The following FZD7 variants were observed in gnomAD, a reference collection of about 807,000 sequenced individuals.
FZD7 encodes the protein frizzled-7.
In FZD7, 21 loss-of-function variants were observed where a neutral mutation model predicts 39.0. The observed-to-expected ratio is 0.54, with a 90% CI of 0.38 to 0.78. FZD7 has a LOEUF of 0.78. FZD7 is among the 30% of genes least tolerant of loss of function. The pLI is 0.00. For synonymous variants in FZD7, 428 were observed against 364.9 expected (o/e 1.17, Z -1.97); for missense variants, 695 against 805.0 (o/e 0.86, Z 1.65).
At position 202,038,088 on chromosome 2, in the gene FZD7, G is replaced by A. The variant is rs767124781; in HGVS notation, c.*1716G>A. 2.4e-5 allele frequency: 4 copies of A among 167,090 alleles called. No homozygotes were observed. The highest frequency in any genetic ancestry group is 4.8e-5 in the African/African-American group (2 of 41,460). The allele number at this position is 167,090 out of a possible 1,614,324, so 10.4% of individuals were successfully genotyped here. On this transcript the variant is annotated 3_prime_UTR_variant, in exon 1 of 1. Transcript: ENST00000286201. ...TTAAATGCCAATCATAGAGGGTACT[G>A]TAAAGTGTACAAGTTACTTTATATA... is the stretch of plus-strand genomic sequence containing the variant.
chr2:202,035,267 C>T lies in FZD7; in HGVS notation c.620C>T (p.Pro207Leu). 2 of 1,604,352 alleles carry T rather than the reference C, an allele frequency of 1.2e-6. No homozygotes were observed. The highest frequency in any genetic ancestry group is 1.3e-5 in the African/African-American group (1 of 75,052). The change falls in exon 1 of 1, where the codon CCC becomes CTC. Residue 207 changes from proline to leucine, a missense_variant. Physicochemically the swap from Pro to Leu is moderately conservative, Grantham distance 98. Transcript: ENST00000286201. The part of the protein sequence containing the change: ...ASDGRGRPAF[P>L]FSCPRQLKVP... ...GATGGCAGGGGGCGTCCCGCCTTCC[C>T]CTTCTCATGCCCCCGTCAGCTCAAG...
In FZD7 at chr2:202,035,254, C is replaced by G. The variant is rs1188265651; in HGVS notation, c.607C>G (p.Arg203Gly). 4 of 1,601,482 alleles carry G rather than the reference C, an allele frequency of 2.5e-6. No homozygotes were observed. Among genetic ancestry groups the G allele is most frequent in the African/African-American group, 1.3e-5 (1 of 74,924 alleles). ...LPPGASDGRG[R>G]PAFPFSCPRQ... ...CCCGGGGGCCTCAGATGGCAGGGGG[C>G]GTCCCGCCTTCCCCTTCTCATGCCC... is the stretch of plus-strand genomic sequence containing the variant. Residue 203 changes from arginine to glycine, a missense_variant, in exon 1 of 1, where the codon CGT (arginine) becomes GGT (glycine). Arg to Gly is a moderately radical substitution (Grantham distance 125). Transcript: ENST00000286201.
rs1223864104 is a variant in FZD7 at position 202,036,330 on chromosome 2, C to T, written c.1683C>T (p.Tyr561=). 6.2e-7 allele frequency: 1 copy of T among 1,612,882 alleles called. No homozygotes were observed. The highest frequency in any genetic ancestry group is 2.2e-5 in the East Asian group (1 of 44,884). The change falls in exon 1 of 1, where the codon TAC becomes TAT. Residue 561 remains tyrosine (Y), a synonymous_variant. Coordinates refer to ENST00000286201, the MANE Select transcript of FZD7 (RefSeq NM_003507.2). ...CCCTGCAGTCGTGGCGCCGCTTCTA[C>T]CACAGACTTAGCCACAGCAGCAAGG... ...GKTLQSWRRF[Y]HRLSHSSKGE... is the part of the protein sequence containing the mutation.
rs909683952 is a variant in FZD7, at chr2:202,035,185, C to T, written c.538C>T (p.Pro180Ser). The T allele has an allele frequency of 8.8e-6, 14 of 1,599,942 alleles. No individual in the cohort carries two copies. Among genetic ancestry groups the T allele is most frequent in the Non-Finnish European group, 1.1e-5 (13 of 1,179,240 alleles). Residue 180 changes from proline to serine, a missense_variant, in exon 1 of 1, where the codon CCT becomes TCT. By Grantham distance (74) the Pro-to-Ser change is moderately conservative. Transcript: ENST00000286201. ...CCCAGGCGGCGGCCCCACTGCCTAC[C>T]CTACCGCGCCCTACCTGCCGGACCT... ...GGPGGGPTAY[P>S]TAPYLPDLPF...
chr2:202,036,639 A>G lies in FZD7; in HGVS notation c.*267A>G, dbSNP rs1461310256. 4.0e-6 allele frequency: 2 copies of G among 494,442 alleles called. No homozygotes were observed. The highest frequency in any genetic ancestry group is 7.5e-6 in the Non-Finnish European group (2 of 265,800). 30.6% of individuals were successfully genotyped at this position (494,442 alleles called of 1,614,324 possible). ...AACGGCGATGTGAATCGTCAAAGGT[A>G]CGGGCCAGCTTGTGCCTAATAGAAG... On this transcript the variant is annotated 3_prime_UTR_variant, in exon 1 of 1. Coordinates refer to ENST00000286201, the MANE Select transcript of FZD7 (RefSeq NM_003507.2).
At position 202,035,996 on chromosome 2, in the gene FZD7, T is replaced by A; in HGVS notation, c.1349T>A (p.Ile450Asn). 6.2e-7 allele frequency: 1 copy of A among 1,614,114 alleles called. No individual in the cohort carries two copies. Among genetic ancestry groups the A allele is most frequent in the Non-Finnish European group, 8.5e-7 (1 of 1,180,034 alleles). ...GCCGGCTTCGTGTCCCTCTTCCGTA[T>A]CCGCACCATCATGAAACACGACGGC... Reference protein sequence around the residue: ...LLAGFVSLFRIRTIMKHDGTK... With the variant: ...LLAGFVSLFRNRTIMKHDGTK... Residue 450 changes from isoleucine to asparagine, a missense_variant, in exon 1 of 1, where the codon ATC becomes AAC. By Grantham distance (149) the Ile-to-Asn change is moderately radical (BLOSUM62 -3). Transcript: ENST00000286201.
Position 202,035,624 on chromosome 2 carries a change from C to T in FZD7, c.977C>T (p.Thr326Met), listed in dbSNP as rs755903607. The change falls in exon 1 of 1, where the codon ACG (threonine) becomes ATG (methionine). Residue 326 changes from threonine to methionine, a missense_variant. Thr to Met is a moderately conservative substitution (Grantham distance 81). Transcript: ENST00000286201. ...CGCTTCTCGGACGATGGCTACCGCA[C>T]GGTGGCGCAGGGCACCAAGAAGGAG... The part of the protein sequence containing the change: ...VERFSDDGYR[T>M]VAQGTKKEGC... 17 of 1,614,078 alleles carry T rather than the reference C, an allele frequency of 1.1e-5. No individual in the cohort carries two copies. Among genetic ancestry groups the T allele is most frequent in the Non-Finnish European group, 1.4e-5 (16 of 1,180,042 alleles).
chr2:202,035,769 C>G lies in FZD7; in HGVS notation c.1122C>G (p.Ile374Met), dbSNP rs1688728070. The change falls in exon 1 of 1, where the codon ATC becomes ATG. Residue 374 changes from isoleucine (I) to methionine (M), a missense_variant. By Grantham distance (10) the Ile-to-Met change is conservative (BLOSUM62 1). Coordinates refer to ENST00000286201, the MANE Select transcript of FZD7 (RefSeq NM_003507.2). The stretch of plus-strand genomic sequence containing the variant: ...GCATGAAGTGGGGCCACGAGGCCAT[C>G]GAGGCCAACTCGCAGTACTTCCACC... ...AAGMKWGHEAIEANSQYFHLA... is the reference protein window; with the variant it reads ...AAGMKWGHEAMEANSQYFHLA... 1 of 1,613,976 alleles carries G rather than the reference C, an allele frequency of 6.2e-7. No homozygotes were observed. Among genetic ancestry groups the G allele is most frequent in the African/African-American group, 1.3e-5 (1 of 74,946 alleles).
Position 202,036,222 on chromosome 2 carries a change from C to G in FZD7, c.1575C>G (p.Pro525=), listed in dbSNP as rs1004437982. ...CPPGHFPPMS[P]DFTVFMIKYL... ...CCGGCCACTTCCCGCCCATGAGCCC[C>G]GACTTCACCGTCTTCATGATCAAGT... Residue 525 remains proline (P), a synonymous_variant, in exon 1 of 1, where the codon CCC becomes CCG. Coordinates refer to ENST00000286201, the MANE Select transcript of FZD7 (RefSeq NM_003507.2). 2 of 1,613,670 alleles carry G rather than the reference C, an allele frequency of 1.2e-6. No individual in the cohort carries two copies. The highest frequency in any genetic ancestry group is 1.7e-6 in the Non-Finnish European group (2 of 1,180,016).
In FZD7 at chr2:202,034,827, C is replaced by A. The variant is rs1432033079; in HGVS notation, c.180C>A (p.Ile60=). 1 of 1,613,952 alleles carries A rather than the reference C, an allele frequency of 6.2e-7. No individual in the cohort carries two copies. The highest frequency in any genetic ancestry group is 8.5e-7 in the Non-Finnish European group (1 of 1,180,026). Residue 60 remains isoleucine, a synonymous_variant, in exon 1 of 1, where the codon ATC becomes ATA. Coordinates refer to ENST00000286201, the MANE Select transcript of FZD7 (RefSeq NM_003507.2). ...TCTCCATCCCGCTGTGCACGGACAT[C>A]GCCTACAACCAGACCATCCTGCCCA... The part of the protein sequence containing the change: ...QPISIPLCTD[I]AYNQTILPNL...
chr2:202,036,568 T>C lies in FZD7; in HGVS notation c.*196T>C. 1.7e-6 allele frequency: 1 copy of C among 586,624 alleles called. No individual in the cohort carries two copies. The highest frequency in any genetic ancestry group is 3.1e-6 in the Non-Finnish European group (1 of 323,934). 36.3% of individuals were successfully genotyped at this position (586,624 alleles called of 1,614,324 possible). ...AAAAGAAGACCTGGGTGGAAAGCGG[T>C]TTGGATGAAAAGATTTCAGGCAAAG... On this transcript the variant is annotated 3_prime_UTR_variant, in exon 1 of 1. Transcript: ENST00000286201.
rs1688728152 is a variant in FZD7 at position 202,035,774 on chromosome 2, C to T, written c.1127C>T (p.Ala376Val). The change falls in exon 1 of 1, where the codon GCC becomes GTC. Residue 376 changes from alanine (A) to valine (V), a missense_variant. By Grantham distance (64) the Ala-to-Val change is moderately conservative (BLOSUM62 0). Transcript: ENST00000286201. ...AAGTGGGGCCACGAGGCCATCGAGG[C>T]CAACTCGCAGTACTTCCACCTGGCC... is the stretch of plus-strand genomic sequence containing the variant. ...GMKWGHEAIE[A>V]NSQYFHLAAW... The T allele has an allele frequency of 6.2e-7, 1 of 1,614,112 alleles. No homozygotes were observed. The highest frequency in any genetic ancestry group is 1.7e-5 in the Admixed American group (1 of 60,038).
chr2:202,034,200 G>A lies in FZD7; in HGVS notation c.-448G>A, dbSNP rs927250283. On this transcript the variant is annotated 5_prime_UTR_variant, in exon 1 of 1. Coordinates refer to ENST00000286201, the MANE Select transcript of FZD7 (RefSeq NM_003507.2). ...GCAGCACCGCGGAGGCGGCGGCCGG[G>A]GCGAGCGAGCGGCGGCGGCAGGGGT... Among the ~76,000 whole-genome samples, 6 of 151,098 alleles carry A rather than the reference G, an allele frequency of 4.0e-5. No homozygotes were observed. Among genetic ancestry groups the A allele is most frequent in the African/African-American group, 1.2e-4 (5 of 41,142 alleles).
rs1336955942 is a variant in FZD7, at chr2:202,033,939, G to GC, written c.-709_-708insC. On this transcript the variant is annotated 5_prime_UTR_variant, in exon 1 of 1. Coordinates refer to ENST00000286201, the MANE Select transcript of FZD7 (RefSeq NM_003507.2). ...CTCGCTGCTGGGGCTGCGAGGGGCT[G>GC]GAGGGGCCGGGGCCAGGCCGCGGGC... Among the ~76,000 whole-genome samples the GC allele has an allele frequency of 2.4e-4, 36 of 151,162 alleles. No homozygotes were observed. The highest frequency in any genetic ancestry group is 8.7e-4 in the African/African-American group (36 of 41,336).
At position 202,036,060 on chromosome 2, in the gene FZD7, C is replaced by T; in HGVS notation, c.1413C>T (p.Ile471=). The T allele has an allele frequency of 6.2e-7, 1 of 1,613,534 alleles. No individual in the cohort carries two copies. Among genetic ancestry groups the T allele is most frequent in the African/African-American group, 1.3e-5 (1 of 74,840 alleles). The change falls in exon 1 of 1, where the codon ATC becomes ATT. Residue 471 remains isoleucine (I), a synonymous_variant. Coordinates refer to ENST00000286201, the MANE Select transcript of FZD7 (RefSeq NM_003507.2). The part of the protein sequence containing the change: ...TEKLEKLMVR[I]GVFSVLYTVP... ...AGCTGGAGAAGCTCATGGTGCGCAT[C>T]GGCGTCTTCAGCGTGCTCTACACAG...
At position 202,035,276 on chromosome 2, in the gene FZD7, GC is replaced by G; in HGVS notation, c.634del (p.Arg212ValfsTer31). 1.2e-6 allele frequency: 2 copies of G among 1,605,554 alleles called. No homozygotes were observed. On this transcript the variant is annotated frameshift_variant, in exon 1 of 1. Coordinates refer to ENST00000286201, the MANE Select transcript of FZD7 (RefSeq NM_003507.2). LOFTEE classifies it high-confidence loss of function. ...GRGRPAFPFS[C>X]PRQLKVPPYL... ...GGGCGTCCCGCCTTCCCCTTCTCATGCCCCCGTCAGCTCAAGGTGCCCCCGT... is the reference window on the plus strand; with the variant it reads ...GGGCGTCCCGCCTTCCCCTTCTCATGCCCCGTCAGCTCAAGGTGCCCCCGT...
rs773224354 is a variant in FZD7, at chr2:202,035,814, C to T, written c.1167C>T (p.Pro389=). The change falls in exon 1 of 1, where the codon CCC becomes CCT. Residue 389 remains proline, a synonymous_variant. Coordinates refer to ENST00000286201, the MANE Select transcript of FZD7 (RefSeq NM_003507.2). The part of the protein sequence containing the change: ...QYFHLAAWAV[P]AVKTITILAM... ...TCCACCTGGCCGCGTGGGCCGTGCC[C>T]GCCGTCAAGACCATCACTATCCTGG... The T allele has an allele frequency of 3.1e-6, 5 of 1,614,008 alleles. No homozygotes were observed. Among genetic ancestry groups the T allele is most frequent in the Non-Finnish European group, 4.2e-6 (5 of 1,180,026 alleles).
In FZD7 at chr2:202,034,365, C is replaced by A. The variant is rs1176133262; in HGVS notation, c.-283C>A. Among the ~76,000 whole-genome samples the A allele has an allele frequency of 6.6e-6, 1 of 151,740 alleles. No individual in the cohort carries two copies. The highest frequency in any genetic ancestry group is 1.9e-4 in the East Asian group (1 of 5,156). On this transcript the variant is annotated 5_prime_UTR_variant, in exon 1 of 1. Coordinates refer to ENST00000286201, the MANE Select transcript of FZD7 (RefSeq NM_003507.2). ...CGGAGGGAGCCGCACCGTTACGTCCCCGCGGGGAGAGCGAGGCGGCCCTCC... is the reference window on the plus strand; with the variant it reads ...CGGAGGGAGCCGCACCGTTACGTCCACGCGGGGAGAGCGAGGCGGCCCTCC...
chr2:202,036,768 T>C lies in FZD7; in HGVS notation c.*396T>C. ...AGGGCGAGTGGCCTGTCCAGACCCC[T>C]GTGAGGCCCCGGGAAAGGTACAGCC... On this transcript the variant is annotated 3_prime_UTR_variant, in exon 1 of 1. Coordinates refer to ENST00000286201, the MANE Select transcript of FZD7 (RefSeq NM_003507.2). 1 of 213,356 alleles carries C rather than the reference T, an allele frequency of 4.7e-6. No individual in the cohort carries two copies. The highest frequency in any genetic ancestry group is 1.0e-5 in the Non-Finnish European group (1 of 96,572). The allele number at this position is 213,356 out of a possible 1,614,324, so 13.2% of individuals were successfully genotyped here.
Sources: gnomAD v4.1 joint callset for allele counts (sites outside exome capture counted in the v4.1 genomes callset) on GRCh38, gnomAD v4.1.1 for gene constraint, MANE v1.5 for transcripts, NCBI Gene and HGNC (gene_info 2026-07-23, HGNC 2026-07-21) for gene names.